Variants in SGK1 observed in about 807,000 individuals in gnomAD.
SGK1 encodes the protein serum/glucocorticoid regulated kinase 1.
In SGK1, 26 loss-of-function variants were observed where a neutral mutation model predicts 64.2. That is an observed-to-expected ratio of 0.40 (90% CI 0.30 to 0.56). The LOEUF is 0.56. Ranked by LOEUF, SGK1 falls within the 20% of genes least tolerant of loss-of-function variation. The pLI is 0.38. For missense variants in SGK1, 519 were observed against 645.6 expected, an observed-to-expected ratio of 0.80 and a Z score of 2.12; for synonymous variants, 265 against 239.7, an observed-to-expected ratio of 1.11 and a Z score of -0.98.
intron 1 of SGK1, among the ~76,000 whole-genome samples, chr6:134,264,142 A>G (rs1582750622): frequency 6.7e-6 from 1 of 148,558 alleles, no homozygotes; most frequent in Non-Finnish European, 1.5e-5. Flanking sequence ...TTTTTGAGAC[A>G]GAGTCTCGCT....
At position 134,175,001 on chromosome 6, in the gene SGK1, G is replaced by T. The variant is rs541095134; in HGVS notation, c.362-415C>A. 274 of 1,150,634 alleles carry T rather than the reference G, an allele frequency of 2.4e-4. 1 individual carries two copies. Among genetic ancestry groups the T allele is most frequent in the Middle Eastern group, 3.0e-4 (1 of 3,294 alleles). 71.3% of individuals were successfully genotyped at this position (1,150,634 alleles called of 1,614,324 possible). A position where few individuals can be genotyped will look rare whatever the true frequency, so the allele number is the denominator to read the frequency against. ...CGCCTCGCGGTTTGCTGGCGGCTAC[G>T]CTGCCTGCGGCGGGCGGTTCTGTCC... is the stretch of plus-strand genomic sequence containing the variant. On this transcript the variant is annotated intron_variant, in intron 3 of 13. Coordinates refer to ENST00000367858, the MANE Select transcript of SGK1 (RefSeq NM_001143676.3).
intron 2 of SGK1, among the ~76,000 whole-genome samples, chr6:134,254,952 T>C (rs969453478): frequency 6.6e-6 from 1 of 152,078 alleles, no homozygotes; most frequent in Admixed American, 6.6e-5. Context: ...CACTGCAACC[T>C]CCGCCTCCCG....
In SGK1 at chr6:134,255,667, C is replaced by T. The variant is rs535010309; in HGVS notation, c.285+6266G>A. Among the ~76,000 whole-genome samples the T allele has an allele frequency of 2.0e-5, 3 of 149,884 alleles. No homozygotes were observed. In the South Asian group the frequency reaches 6.4e-4, roughly 32 times the overall value. On this transcript the variant is annotated intron_variant, in intron 2 of 13. Transcript: ENST00000367858. ...CATGATCCTGGGTCACTACAACCTC[C>T]ACCACCTCCCAGGTTCAAGCGATTC...
intron 1 of SGK1, chr6:134,283,172 T>A (rs1777120727): frequency 6.6e-6 from 1 of 152,134 alleles, no homozygotes; most frequent in Non-Finnish European, 1.5e-5. Context: ...CCACTCCCGC[T>A]GCTTCACCTA....
intron 1 of SGK1, among the ~76,000 whole-genome samples, chr6:134,302,867 G>A (rs1777478603): frequency 6.6e-6 from 1 of 151,840 alleles, no homozygotes; most frequent in Admixed American, 6.6e-5. Flanking sequence ...CAATTCTCCT[G>A]CCTCAGCCTC....
At chr6:134,180,855 A>T (rs1775319970) in intron 3 of SGK1, among the ~76,000 whole-genome samples, 1 of 145,830 alleles carries the variant, frequency 6.9e-6, no homozygotes, top group Non-Finnish European at 1.5e-5. Flanking sequence ...CGGGGCAACA[A>T]AGTGAGATCC....
intron 1 of SGK1, among the ~76,000 whole-genome samples, chr6:134,290,845 T>C (rs1257700286): frequency 2.6e-5 from 4 of 152,200 alleles, no homozygotes; most frequent in Non-Finnish European, 5.9e-5. Flanking sequence ...GGGCTTTACA[T>C]GTGCAGGGCC....
At chr6:134,172,390 G>T in intron 9 of SGK1, 74 bp from the exon 10 acceptor site, 1 of 1,465,026 alleles carries the variant, frequency 6.8e-7, no homozygotes, top group Non-Finnish European at 9.4e-7. Context: ...AAAGATAATT[G>T]CTAAAGGTAT....
At chr6:134,275,759 C>G (rs1462941833) in intron 1 of SGK1, among the ~76,000 whole-genome samples, 1 of 152,118 alleles carries the variant, frequency 6.6e-6, no homozygotes, top group Non-Finnish European at 1.5e-5. Context: ...ATCCAGACCT[C>G]CATTATATCA....
chr6:134,265,586 T>TATATAC, intron 1 of SGK1, among the ~76,000 whole-genome samples: 1 of 145,426 alleles, frequency 6.9e-6, no homozygotes, highest in East Asian at 2.0e-4. Context: ...TACATATACA[T>TATATAC]ATATACATAT....
At chr6:134,256,088 C>T (rs1239526662) in intron 2 of SGK1, among the ~76,000 whole-genome samples, 1 of 139,228 alleles carries the variant, frequency 7.2e-6, no homozygotes, top group Non-Finnish European at 1.5e-5. Context: ...GTCCTTTTTC[C>T]TTTTTTTTTT....
chr6:134,184,647 T>C (rs1430448764), intron 3 of SGK1, among the ~76,000 whole-genome samples: 2 of 152,164 alleles, frequency 1.3e-5, no homozygotes, highest in East Asian at 3.8e-4. Context: ...TTATTGTTGA[T>C]TTACCCAACT....
At chr6:134,192,124 C>T (rs777316867) in intron 3 of SGK1, among the ~76,000 whole-genome samples, 1 of 151,892 alleles carries the variant, frequency 6.6e-6, no homozygotes, top group Non-Finnish European at 1.5e-5. Context: ...CCACCGCGCC[C>T]GGCCCTGATT....
intron 2 of SGK1, among the ~76,000 whole-genome samples, chr6:134,255,388 G>C (rs570464981): frequency 4.6e-5 from 7 of 151,778 alleles, no homozygotes; most frequent in South Asian, 4.2e-4. Context: ...AAATTAAAAG[G>C]TAAGAGATTC....
chr6:134,310,494 G>C (rs1777593736), intron 1 of SGK1, among the ~76,000 whole-genome samples: 1 of 152,234 alleles, frequency 6.6e-6, no homozygotes, highest in Admixed American at 6.5e-5. Flanking sequence ...TGGCTCCTAA[G>C]ACCATGCTGA....
At chr6:134,232,417 A>AAGAAAGAGAGAG (rs1562259716) in intron 2 of SGK1, among the ~76,000 whole-genome samples, 1 of 21,506 alleles carries the variant, frequency 4.6e-5, no homozygotes, top group African/African-American at 1.4e-4. Flanking sequence ...AAGAAAGAGA[A>AAGAAAGAGAGAG]AGAAAGAAAG....
At chr6:134,213,352 T>C (rs1388237278) in intron 2 of SGK1, among the ~76,000 whole-genome samples, 1 of 151,876 alleles carries the variant, frequency 6.6e-6, no homozygotes, top group Admixed American at 6.6e-5. Context: ...TGAAACCCTG[T>C]CTCTCCTAAA....
rs1776175022 is a variant in SGK1 at position 134,226,214 on chromosome 6, G to A, written c.286-18783C>T. On this transcript the variant is annotated intron_variant, in intron 2 of 13. Transcript: ENST00000367858. The stretch of plus-strand genomic sequence containing the variant: ...TATCAACAAAATGGTGCAATAGGAA[G>A]CTCCAAACTCCTATACCCCAACCAA... 2.0e-5 allele frequency among the ~76,000 whole-genome samples: 3 copies of A among 152,046 alleles called. No individual in the cohort carries two copies. In the South Asian group the frequency reaches 6.2e-4, roughly 32 times the overall value.
chr6:134,243,412 C>T, intron 2 of SGK1, among the ~76,000 whole-genome samples: 1 of 151,952 alleles, frequency 6.6e-6, no homozygotes, highest in East Asian at 1.9e-4. Flanking sequence ...TCTTGTTGCC[C>T]AGGCTGGAGT....
Sources: gnomAD v4.1 joint callset for allele counts (sites outside exome capture counted in the v4.1 genomes callset) on GRCh38, gnomAD v4.1.1 for gene constraint, MANE v1.5 for transcripts, NCBI Gene and HGNC (gene_info 2026-07-23, HGNC 2026-07-21) for gene names.